KANSL3: variants seen among roughly 807,000 people sequenced by gnomAD.
The protein encoded by KANSL3 is KAT8 regulatory NSL complex subunit 3.
KANSL3 carries 16 observed loss-of-function variants against 89.2 expected under a neutral mutation model. The observed-to-expected ratio is 0.18, with a 90% confidence interval of 0.12 to 0.27. The LOEUF (loss-of-function observed/expected upper bound fraction) is 0.27, where lower values mean the gene tolerates loss of function less well. Ranked by LOEUF, KANSL3 falls within the 10% of genes least tolerant of loss-of-function variation. The pLI is 1.00. For synonymous variants in KANSL3, 385 were observed against 419.7 expected (o/e 0.92, Z 1.01); for missense variants, 879 against 1,110.6 (o/e 0.79, Z 2.96).
At chr2:96,619,266 G>A (rs972724765) in intron 5 of KANSL3, 93 bp downstream of exon 5, 16 of 1,232,588 alleles carry the variant, frequency 1.3e-5, no homozygotes, top group South Asian at 3.1e-5. Flanking sequence ...ACTCCAGACC[G>A]ACCAGATAAT....
chr2:96,595,717 C>A, intron 20 of KANSL3, 86 bp from the exon 21 acceptor site: 1 of 1,414,086 alleles, frequency 7.1e-7, no homozygotes, highest in South Asian at 1.3e-5. Flanking sequence ...TATCCCAACT[C>A]CTGAGAATTT....
chr2:96,600,614 C>G, intron 20 of KANSL3: 2 of 985,392 alleles, frequency 2.0e-6, no homozygotes, highest in Non-Finnish European at 2.4e-6. Flanking sequence ...ACAGGAAGGC[C>G]TTGGCTGTAT....
Position 96,612,516 on chromosome 2 carries a change from T to C in KANSL3, c.960A>G (p.Gly320=). Residue 320 remains glycine (G), a synonymous_variant, in exon 8 of 21, where the codon GGA becomes GGG. Transcript: ENST00000431828. ...TCATATGCTCGAGACACTGTAGAAC[T>C]CCTACCCCACTGCCATTGTTCAGCA... ...THLLNNGSGV[G]VLQCLEHMIG... 1 of 1,613,946 alleles carries C rather than the reference T, an allele frequency of 6.2e-7. No homozygotes were observed. Among genetic ancestry groups the C allele is most frequent in the African/African-American group, 1.3e-5 (1 of 75,016 alleles).
the KANSL3 span, among the ~76,000 whole-genome samples, chr2:96,585,157 A>C: frequency 6.6e-6 from 1 of 152,198 alleles, no homozygotes; most frequent in African/African-American, 2.4e-5. Flanking sequence ...TTAAACTAAA[A>C]AGCTTCTGCA....
At chr2:96,629,221 AAT>A (rs2072939567) in intron 3 of KANSL3, among the ~76,000 whole-genome samples, 2 of 152,206 alleles carry the variant, frequency 1.3e-5, no homozygotes. Flanking sequence ...TAACTGTAAA[AAT>A]AGTGATAAAT....
intron 17 of KANSL3, chr2:96,603,973 C>T (rs942115717): frequency 4.0e-5 from 12 of 297,650 alleles, no homozygotes; most frequent in African/African-American, 2.0e-4. Flanking sequence ...CATATATGTC[C>T]TATCGGCTAT....
chr2:96,610,056 C>T (rs531907083), intron 11 of KANSL3, among the ~76,000 whole-genome samples: 2 of 142,742 alleles, frequency 1.4e-5, no homozygotes, highest in South Asian at 2.4e-4. Flanking sequence ...GCAACTAAAT[C>T]CAAGTGTGAT....
chr2:96,604,140 C>G (rs1419126461), intron 17 of KANSL3, 110 bp downstream of exon 17: 2 of 1,277,834 alleles, frequency 1.6e-6, no homozygotes, highest in Admixed American at 2.8e-5. Context: ...CTCTAAGACC[C>G]AGAGGCCCAT....
At chr2:96,622,113 CA>C (rs113914476) in intron 3 of KANSL3, among the ~76,000 whole-genome samples, 168 of 130,604 alleles carry the variant, frequency 1.3e-3, no homozygotes, top group African/African-American at 1.5e-3. Flanking sequence ...GACTCCAGCT[CA>C]AAAAAAAAAA....
At chr2:96,604,643 G>C in intron 16 of KANSL3, 136 bp downstream of exon 16, 1 of 849,882 alleles carries the variant, frequency 1.2e-6, no homozygotes, top group African/African-American at 1.7e-5. Context: ...GCAAGACAAA[G>C]ATCCCAATCA....
At chr2:96,618,163 A>G (rs538774462) in intron 5 of KANSL3, among the ~76,000 whole-genome samples, 1 of 144,008 alleles carries the variant, frequency 6.9e-6, no homozygotes, top group African/African-American at 2.5e-5. Context: ...GTCTCCAAAG[A>G]AAAAAAAAAA....
At chr2:96,613,420 C>A in intron 6 of KANSL3, 68 bp downstream of exon 6, 2 of 1,297,474 alleles carry the variant, frequency 1.5e-6, no homozygotes, top group East Asian at 2.4e-5. Context: ...TATCCTCCTG[C>A]CAAGGTTCTA....
At chr2:96,603,850 T>C (rs866829671) in intron 17 of KANSL3, 7 of 156,344 alleles carry the variant, frequency 4.5e-5, no homozygotes, top group South Asian at 2.0e-4. Context: ...CCTGTGGATA[T>C]AGAATTCCAA....
intron 5 of KANSL3, 39 bp downstream of exon 5, chr2:96,619,320 C>T (rs1464664065): frequency 1.3e-6 from 2 of 1,561,700 alleles, no homozygotes; most frequent in East Asian, 2.3e-5. Flanking sequence ...GGGAGGATGG[C>T]TATCCCTAGG....
chr2:96,607,338 C>T (rs988038491), intron 14 of KANSL3, among the ~76,000 whole-genome samples: 2 of 152,126 alleles, frequency 1.3e-5, no homozygotes, highest in Non-Finnish European at 2.9e-5. Flanking sequence ...TAGTATTCCC[C>T]GTTTGCCCAT....
intron 20 of KANSL3, 121 bp from the exon 21 acceptor site, chr2:96,595,752 G>A (rs1469763981): frequency 8.5e-7 from 1 of 1,174,344 alleles, no homozygotes; most frequent in Non-Finnish European, 1.2e-6. Context: ...ATTCTCAATA[G>A]GAAAGAAGTT....
intron 2 of KANSL3, 177 bp downstream of exon 2, chr2:96,636,744 T>C: frequency 1.9e-6 from 1 of 515,648 alleles, no homozygotes; most frequent in Non-Finnish European, 3.4e-6. Context: ...GTTAGCTGTC[T>C]CACAGAGATA....
intron 3 of KANSL3, among the ~76,000 whole-genome samples, chr2:96,624,341 G>T (rs1419796048): frequency 6.6e-6 from 1 of 152,076 alleles, no homozygotes; most frequent in Non-Finnish European, 1.5e-5. Flanking sequence ...ATTTGAAAAA[G>T]CTCTCTGGAA....
chr2:96,583,377 A>T, the KANSL3 span, among the ~76,000 whole-genome samples: 2 of 152,200 alleles, frequency 1.3e-5, no homozygotes, highest in Non-Finnish European at 2.9e-5. Context: ...GTCCATCCAA[A>T]ACAAGATATA....
Sources: allele counts gnomAD v4.1 joint callset (sites outside exome capture counted in the v4.1 genomes callset), GRCh38; gene constraint gnomAD v4.1.1; transcripts MANE v1.5; gene names NCBI Gene and HGNC (gene_info 2026-07-23, HGNC 2026-07-21).